RCAN1: variants seen among roughly 807,000 people sequenced by gnomAD.
The protein encoded by RCAN1 is regulator of calcineurin 1.
A neutral mutation model predicts 22.9 loss-of-function variants in RCAN1; 11 were observed. That is an observed-to-expected ratio of 0.48 (90% CI 0.30 to 0.79). The LOEUF (loss-of-function observed/expected upper bound fraction) is 0.79. Among genes scored for constraint, RCAN1 ranks in the 30% least tolerant of loss-of-function variants. The pLI, the probability that RCAN1 is intolerant of heterozygous loss-of-function variation, is 0.06. For synonymous variants in RCAN1, 136 were observed against 142.3 expected (o/e 0.96, Z 0.32); for missense variants, 291 against 337.8 (o/e 0.86, Z 1.09).
At chr21:34,552,854 G>A (rs1407110958) in intron 1 of RCAN1, among the ~76,000 whole-genome samples, 1 of 152,194 alleles carries the variant, frequency 6.6e-6, no homozygotes, top group Non-Finnish European at 1.5e-5. Flanking sequence ...TAGTGGTTGA[G>A]TATATTTTTA....
chr21:34,533,252 G>A lies in RCAN1; in HGVS notation c.253-9542C>T, dbSNP rs927946375. Among the ~76,000 whole-genome samples, 6 of 152,122 alleles carry A rather than the reference G, an allele frequency of 3.9e-5. No homozygotes were observed. In the South Asian group the frequency reaches 6.2e-4, roughly 16 times the overall value. On this transcript the variant is annotated intron_variant, in intron 1 of 3. Coordinates refer to ENST00000313806, the MANE Select transcript of RCAN1 (RefSeq NM_004414.7). Reference sequence around the variant, plus strand: ...TGGGATTACAGGCGTGAGCCACCGCGCCAGGCCCAAAATATACTTAAATAG... The same window carrying A: ...TGGGATTACAGGCGTGAGCCACCGCACCAGGCCCAAAATATACTTAAATAG...
chr21:34,549,136 C>T (rs1452223119), intron 1 of RCAN1, among the ~76,000 whole-genome samples: 1 of 152,106 alleles, frequency 6.6e-6, no homozygotes, highest in Non-Finnish European at 1.5e-5. Context: ...TGATGAAAGA[C>T]AGGCGTGTCT....
intron 1 of RCAN1, among the ~76,000 whole-genome samples, chr21:34,561,359 T>G (rs1021951802): frequency 2.6e-5 from 4 of 152,192 alleles, no homozygotes; most frequent in Non-Finnish European, 4.4e-5. Context: ...AACTTTTTTT[T>G]GGGCAAGTGG....
At chr21:34,526,705 G>C in intron 1 of RCAN1, 1 of 1,613,670 alleles carries the variant, frequency 6.2e-7, no homozygotes, top group East Asian at 2.2e-5. Flanking sequence ...TTGCCACACA[G>C]GCAATCAGGG....
chr21:34,555,551 G>A (rs370880816), intron 1 of RCAN1, among the ~76,000 whole-genome samples: 6 of 146,922 alleles, frequency 4.1e-5, no homozygotes, highest in East Asian at 2.0e-4. Context: ...CCAGCCTGGC[G>A]ACAGAGCAAG....
rs546400786 is a variant in RCAN1, at chr21:34,556,359, G to A, written c.253-32649C>T. 8.6e-5 allele frequency among the ~76,000 whole-genome samples: 13 copies of A among 150,578 alleles called. No individual in the cohort carries two copies. The East Asian group carries it at 9.7e-4, about 11-fold the overall frequency. ...GAGAATCGCTTGAGCCCAGGAGGTC[G>A]AGGCTGCAGTGAGCTGAGATCGTGC... is the stretch of plus-strand genomic sequence containing the variant. On this transcript the variant is annotated intron_variant, in intron 1 of 3. Transcript: ENST00000313806.
chr21:34,553,128 C>T (rs1014467896), intron 1 of RCAN1, among the ~76,000 whole-genome samples: 2 of 152,204 alleles, frequency 1.3e-5, no homozygotes, highest in African/African-American at 4.8e-5. Flanking sequence ...AAGAAACAGA[C>T]AGATGCCACA....
chr21:34,521,006 C>T (rs943118516), intron 3 of RCAN1: 40 of 1,028,032 alleles, frequency 3.9e-5, no homozygotes, highest in Admixed American at 5.1e-5. Context: ...AGCCCGACCG[C>T]GGCCCTTCCC....
intron 1 of RCAN1, among the ~76,000 whole-genome samples, chr21:34,587,921 C>T (rs901179756): frequency 1.3e-5 from 2 of 152,078 alleles, no homozygotes; most frequent in African/African-American, 2.4e-5. Context: ...CAGTTAAAGG[C>T]CTTAACGGAA....
chr21:34,543,301 A>G (rs2284578), intron 1 of RCAN1, among the ~76,000 whole-genome samples: 36,312 of 152,078 alleles, frequency 0.24, 5,037 homozygotes, highest in African/African-American at 0.38. Context: ...GCCCAGTGTA[A>G]TCAAGGTGTC....
chr21:34,553,317 C>T (rs930603915), intron 1 of RCAN1, among the ~76,000 whole-genome samples: 1 of 152,032 alleles, frequency 6.6e-6, no homozygotes, highest in Non-Finnish European at 1.5e-5. Flanking sequence ...GCTTTTGCTT[C>T]ATTGGTGCTT....
intron 1 of RCAN1, among the ~76,000 whole-genome samples, chr21:34,555,578 A>AAAT (rs1238328587): frequency 1.3e-5 from 2 of 150,798 alleles, no homozygotes; most frequent in African/African-American, 2.4e-5. Context: ...TCTCAAAAAA[A>AAAT]AAAATAAATA....
rs1984045996 is a variant in RCAN1 at position 34,516,458 on chromosome 21, A to G, written c.*1626T>C. 6.6e-6 allele frequency: 1 copy of G among 152,218 alleles called. No individual in the cohort carries two copies. Among genetic ancestry groups the G allele is most frequent in the Non-Finnish European group, 1.5e-5 (1 of 68,028 alleles). The allele number at this position is 152,218 out of a possible 1,614,324, so 9.4% of individuals were successfully genotyped here. On this transcript the variant is annotated 3_prime_UTR_variant, in exon 4 of 4. Transcript: ENST00000313806. ...ACTGCAGAATTTAGAAGGTTCACAG[A>G]TTTATTCTAGAAATAAAATGACAAC...
At chr21:34,531,621 A>G (rs180903858) in intron 1 of RCAN1, among the ~76,000 whole-genome samples, 69 of 152,338 alleles carry the variant, frequency 4.5e-4, no homozygotes, top group African/African-American at 1.4e-3. Flanking sequence ...CTCCCGCTGT[A>G]TAAGCTTCAG....
intron 1 of RCAN1, among the ~76,000 whole-genome samples, chr21:34,575,117 C>T (rs1003997774): frequency 6.6e-6 from 1 of 152,220 alleles, no homozygotes; most frequent in Non-Finnish European, 1.5e-5. Context: ...GCGAACAGCA[C>T]CCGTGGGTCA....
chr21:34,536,254 C>A (rs1377203002), intron 1 of RCAN1, among the ~76,000 whole-genome samples: 1 of 152,174 alleles, frequency 6.6e-6, no homozygotes, highest in South Asian at 2.1e-4. Context: ...ATTACTGGGG[C>A]CAAAGCCACC....
chr21:34,523,796 T>C (rs1473390537), intron 1 of RCAN1, 86 bp from the exon 2 acceptor site: 4 of 1,180,274 alleles, frequency 3.4e-6, no homozygotes, highest in African/African-American at 1.6e-5. Flanking sequence ...TTTTTTTTTT[T>C]CTTCGAGACA....
At position 34,614,952 on chromosome 21, in the gene RCAN1, G is replaced by GGCCGCCTCC. The variant is rs774268988; in HGVS notation, c.51_59dup (p.Ala20_Ala22dup). ...TCACCCCGGGCCGCGCTCGCGCCTC[G>GGCCGCCTCC]GCCGCCTCCGCCGCCTCCGCCGCGG... On this transcript the variant is annotated inframe_insertion, in exon 1 of 4. Transcript: ENST00000313806. The surrounding 1 kb of genome is among the most constrained non-coding windows in gnomAD (Gnocchi z 6.0). 21 of 1,176,248 alleles carry GGCCGCCTCC rather than the reference G, an allele frequency of 1.8e-5. No individual in the cohort carries two copies. Among genetic ancestry groups the GGCCGCCTCC allele is most frequent in the Non-Finnish European group, 2.0e-5 (19 of 957,030 alleles). The allele number at this position is 1,176,248 out of a possible 1,614,324, so 72.9% of individuals were successfully genotyped here. A position where few individuals can be genotyped will look rare whatever the true frequency, so the allele number is the denominator to read the frequency against.
At chr21:34,559,531 T>C (rs1414637271) in intron 1 of RCAN1, 1 of 152,134 alleles carries the variant, frequency 6.6e-6, no homozygotes, top group African/African-American at 2.4e-5. Flanking sequence ...GAAATAACCC[T>C]TTGTTTCGGT....
Sources: gnomAD v4.1 joint callset for allele counts (sites outside exome capture counted in the v4.1 genomes callset) on GRCh38, gnomAD v4.1.1 for gene constraint, Gnocchi (gnomAD v3.1) non-coding constraint, MANE v1.5 for transcripts, NCBI Gene and HGNC (gene_info 2026-07-23, HGNC 2026-07-21) for gene names.